Variants in ENOX1 observed in about 807,000 individuals in gnomAD.
ENOX1 encodes the protein ecto-NOX disulfide-thiol exchanger 1, also known as candidate growth-related and time keeping constitutive hydroquinone (NADH) oxidase.
In ENOX1, 42 loss-of-function variants were observed where a neutral mutation model predicts 82.5. The observed-to-expected ratio is 0.51, with a 90% CI of 0.40 to 0.66. ENOX1 has a LOEUF of 0.66. Ranked by LOEUF, ENOX1 falls within the 30% of genes least tolerant of loss-of-function variation. The pLI is 0.00. For missense variants in ENOX1, 608 were observed against 811.6 expected (o/e 0.75, Z 3.05); for synonymous variants, 271 against 282.2 (o/e 0.96, Z 0.40).
intron 2 of ENOX1, among the ~76,000 whole-genome samples, chr13:43,622,976 G>A (rs1360493229): frequency 1.3e-5 from 2 of 152,114 alleles, no homozygotes; most frequent in African/African-American, 2.4e-5. Context: ...GGTCACTGGA[G>A]TTGTCTACCT....
At chr13:43,298,669 G>T in intron 11 of ENOX1, 139 bp from the exon 12 acceptor site, 3 of 655,084 alleles carry the variant, frequency 4.6e-6, no homozygotes, top group Admixed American at 3.2e-5. Context: ...GCCACTCCCT[G>T]GGCCTCTCTT....
At chr13:43,588,600 C>A (rs76676088) in intron 2 of ENOX1, among the ~76,000 whole-genome samples, 5,115 of 152,262 alleles carry the variant, frequency 0.034, 280 homozygotes, top group African/African-American at 0.12. Flanking sequence ...CCTACTGGAG[C>A]CTCATTCCCA....
At chr13:43,311,237 A>T (rs2147368) in intron 11 of ENOX1, among the ~76,000 whole-genome samples, 5 of 151,940 alleles carry the variant, frequency 3.3e-5, no homozygotes, top group South Asian at 2.1e-4. Flanking sequence ...TGCTAGAGAA[A>T]GAGAAGGGGC....
rs1001067674 is a variant in ENOX1, at chr13:43,213,557, T to C, written c.*433A>G. The C allele has an allele frequency of 6.8e-6, 1 of 146,908 alleles. No homozygotes were observed. Among genetic ancestry groups the C allele is most frequent in the African/African-American group, 2.5e-5 (1 of 40,272 alleles). 9.1% of individuals were successfully genotyped at this position (146,908 alleles called of 1,614,324 possible). On this transcript the variant is annotated 3_prime_UTR_variant, in exon 17 of 17. Transcript: ENST00000690772. ...CTTTTTCTTTTTCTTTTTTTTTTTT[T>C]TTTTTTTTTTACTAAAACAGAAAGA...
chr13:43,221,257 A>C (rs922909940), intron 16 of ENOX1, among the ~76,000 whole-genome samples: 1 of 152,182 alleles, frequency 6.6e-6, no homozygotes, highest in African/African-American at 2.4e-5. Flanking sequence ...CTCCTAAAGG[A>C]TATATAAACA....
chr13:43,405,220 C>G (rs965303565), intron 5 of ENOX1, among the ~76,000 whole-genome samples: 4 of 152,118 alleles, frequency 2.6e-5, no homozygotes, highest in Non-Finnish European at 5.9e-5. Context: ...AATCTTGGAG[C>G]CCTGAAATAG....
rs185287028 is a variant in ENOX1, at chr13:43,475,057, C to T, written c.-75+8952G>A. Among the ~76,000 whole-genome samples, 564 of 152,102 alleles carry T rather than the reference C, an allele frequency of 3.7e-3. 1 individual carries two copies. Among genetic ancestry groups the T allele is most frequent in the Non-Finnish European group, 6.3e-3 (429 of 67,994 alleles). On this transcript the variant is annotated intron_variant, in intron 3 of 16. Transcript: ENST00000690772. Reference sequence around the variant, plus strand: ...TGAGTTGATTTTCTAAAGTAAAATCCACCAGAAAGAGTTTACACGGTGTTG... The same window carrying T: ...TGAGTTGATTTTCTAAAGTAAAATCTACCAGAAAGAGTTTACACGGTGTTG...
intron 2 of ENOX1, among the ~76,000 whole-genome samples, chr13:43,487,377 A>G (rs898392544): frequency 2.0e-5 from 3 of 152,178 alleles, no homozygotes; most frequent in Admixed American, 6.5e-5. Flanking sequence ...TTAGGCATTT[A>G]CAGAAATTCT....
At chr13:43,781,605 C>G (rs1221975484) in intron 1 of ENOX1, among the ~76,000 whole-genome samples, 2 of 152,046 alleles carry the variant, frequency 1.3e-5, no homozygotes, top group Admixed American at 6.6e-5. Flanking sequence ...CCTCTGCCTC[C>G]CGGGTTCAAG....
intron 1 of ENOX1, among the ~76,000 whole-genome samples, chr13:43,692,347 A>G (rs1271328678): frequency 2.6e-5 from 4 of 152,352 alleles, no homozygotes; most frequent in South Asian, 4.1e-4. Context: ...AATTTAATGG[A>G]CAATTTCTAT....
chr13:43,470,305 TACATATATATACAC>T lies in ENOX1; in HGVS notation c.-75+13690_-75+13703del, dbSNP rs1357309596. ...ATACATATATATATACACATATATA[TACATATATATACAC>T]ATATATATATGTATATATATACGTA... On this transcript the variant is annotated intron_variant, in intron 3 of 16. Coordinates refer to ENST00000690772, the MANE Select transcript of ENOX1 (RefSeq NM_001347969.2). Among the ~76,000 whole-genome samples, 149 of 46,152 alleles carry T rather than the reference TACATATATATACAC, an allele frequency of 3.2e-3. 12 individuals carry two copies. Among genetic ancestry groups the T allele is most frequent in the African/African-American group, 0.011 (145 of 12,614 alleles). The allele number at this position is 46,152 out of a possible 152,430, so 30.3% of individuals were successfully genotyped here.
rs1555317963 is a variant in ENOX1, at chr13:43,541,200, C to CTTTTTTTTTTTTTTTTTT, written c.-218-57049_-218-57048insAAAAAAAAAAAAAAAAAA. On this transcript the variant is annotated intron_variant, in intron 2 of 16. Transcript: ENST00000690772. ...TTTTTTTTTTTTTTTTTTTTTTTTG[C>CTTTTTTTTTTTTTTTTTT]TAAAAATGATTTCAGGGACCAGATG... 8.3e-3 allele frequency among the ~76,000 whole-genome samples: 120 copies of CTTTTTTTTTTTTTTTTTT among 14,402 alleles called. 1 individual carries two copies. Among genetic ancestry groups the CTTTTTTTTTTTTTTTTTT allele is most frequent in the Non-Finnish European group, 0.014 (75 of 5,482 alleles). 9.4% of individuals were successfully genotyped at this position (14,402 alleles called of 152,430 possible).
intron 1 of ENOX1, among the ~76,000 whole-genome samples, chr13:43,709,811 G>C (rs1448915313): frequency 6.6e-6 from 1 of 152,108 alleles, no homozygotes; most frequent in African/African-American, 2.4e-5. Flanking sequence ...AAAATTGTTT[G>C]AGATAAAATA....
At chr13:43,303,121 T>A (rs1436945632) in intron 11 of ENOX1, among the ~76,000 whole-genome samples, 1 of 152,224 alleles carries the variant, frequency 6.6e-6, no homozygotes, top group Non-Finnish European at 1.5e-5. Flanking sequence ...CCTTCCCACA[T>A]GCAAAGAAAG....
intron 11 of ENOX1, among the ~76,000 whole-genome samples, chr13:43,309,521 G>A (rs1198879659): frequency 6.6e-6 from 1 of 152,164 alleles, no homozygotes; most frequent in African/African-American, 2.4e-5. Flanking sequence ...GCAGAAGGAA[G>A]CCAAGGACTT....
chr13:43,600,881 G>A (rs2081681723), intron 2 of ENOX1, among the ~76,000 whole-genome samples: 1 of 152,184 alleles, frequency 6.6e-6, no homozygotes, highest in Admixed American at 6.5e-5. Flanking sequence ...AAGAGTCTCT[G>A]CCTGGTAATC....
intron 2 of ENOX1, among the ~76,000 whole-genome samples, chr13:43,558,462 C>T (rs2079535143): frequency 6.6e-6 from 1 of 152,134 alleles, no homozygotes; most frequent in African/African-American, 2.4e-5. Flanking sequence ...ACTAAGATTC[C>T]AGCAGAACAC....
At chr13:43,285,632 C>CCTGT (rs2045649964) in intron 12 of ENOX1, among the ~76,000 whole-genome samples, 1 of 151,734 alleles carries the variant, frequency 6.6e-6, no homozygotes, top group Non-Finnish European at 1.5e-5. Context: ...ATGGTGAAAC[C>CCTGT]CTGTCTCTAC....
chr13:43,671,754 T>C (rs1387740302), intron 1 of ENOX1, among the ~76,000 whole-genome samples: 2 of 152,094 alleles, frequency 1.3e-5, no homozygotes, highest in Non-Finnish European at 1.5e-5. Flanking sequence ...AGTTGAGCTG[T>C]GTCTGGATAG....
Sources: allele counts gnomAD v4.1 joint callset (sites outside exome capture counted in the v4.1 genomes callset), GRCh38; gene constraint gnomAD v4.1.1; transcripts MANE v1.5; gene names NCBI Gene and HGNC (gene_info 2026-07-23, HGNC 2026-07-21).